ABCA2: variants seen among roughly 807,000 people sequenced by gnomAD.
The protein encoded by ABCA2 is ATP-binding cassette sub-family A member 2.
In ABCA2, 84 loss-of-function variants were observed where a neutral mutation model predicts 262.8. The observed-to-expected ratio is 0.32, with a 90% CI of 0.27 to 0.38. The LOEUF (loss-of-function observed/expected upper bound fraction) is 0.38, where lower values mean the gene tolerates loss of function less well. ABCA2 is among the 10% of genes least tolerant of loss of function. The pLI is 1.00. For missense variants in ABCA2, 2,662 were observed against 3,405.9 expected (o/e 0.78, Z 5.44); for synonymous variants, 1,696 against 1,502.9 (o/e 1.13, Z -2.97).
At position 137,007,663 on chromosome 9, in the gene ABCA2, G is replaced by C. The variant is rs1338433417; in HGVS notation, c.*266C>G. 3.6e-6 allele frequency: 2 copies of C among 560,882 alleles called. No homozygotes were observed. 34.7% of individuals were successfully genotyped at this position (560,882 alleles called of 1,614,324 possible). On this transcript the variant is annotated 3_prime_UTR_variant, in exon 49 of 49. Coordinates refer to ENST00000341511, the MANE Select transcript of ABCA2 (RefSeq NM_001606.5). ...CAGTGCCAGGCAGGGGCGAGGGGCC[G>C]GGCAGACCCCGAGGCTTTAAGGCAA...
At chr9:137,023,111 A>G in intron 3 of ABCA2, 59 bp from the exon 4 acceptor site, 3 of 1,262,098 alleles carry the variant, frequency 2.4e-6, no homozygotes, top group Non-Finnish European at 3.4e-6. Context: ...GAGAGAGAGG[A>G]ATCCAGAAGG....
Position 137,020,939 on chromosome 9 carries a change from C to G in ABCA2, c.1020G>C (p.Leu340=). The change falls in exon 9 of 49, where the codon CTG becomes CTC. Residue 340 remains leucine, a synonymous_variant. Transcript: ENST00000341511. ...AQKVLQDVDV[L]SALALLLPQG... ...GGGGCAGTAGCAGGGCCAGGGCCGA[C>G]AGGACATCCACATCCTGCAGAACCT... 1 of 1,565,586 alleles carries G rather than the reference C, an allele frequency of 6.4e-7. No individual in the cohort carries two copies. Among genetic ancestry groups the G allele is most frequent in the Non-Finnish European group, 8.7e-7 (1 of 1,155,444 alleles).
chr9:137,013,419 A>ACTCGCCCC, intron 29 of ABCA2, 42 bp downstream of exon 29: 1 of 1,537,900 alleles, frequency 6.5e-7, no homozygotes, highest in South Asian at 1.2e-5. Context: ...CCGCCCCTTC[A>ACTCGCCCC]CTCGCCCCAC....
intron 1 of ABCA2, among the ~76,000 whole-genome samples, chr9:137,025,458 G>C (rs1311655570): frequency 2.6e-5 from 4 of 152,240 alleles, no homozygotes; most frequent in Non-Finnish European, 5.9e-5. Flanking sequence ...AGAGCCCCCA[G>C]TGTGCTGTGT....
chr9:137,019,163 G>A lies in ABCA2; in HGVS notation c.1554+15C>T, dbSNP rs772374381. The A allele has an allele frequency of 3.7e-5, 60 of 1,608,166 alleles. No individual in the cohort carries two copies. The Admixed American group carries it at 4.7e-4, about 13-fold the overall frequency. Reference sequence around the variant, plus strand: ...CACCACCCACAGCCGCCTCCCTCGCGGGCACCCTTGGCACCTGCTGCAGCC... The same window carrying A: ...CACCACCCACAGCCGCCTCCCTCGCAGGCACCCTTGGCACCTGCTGCAGCC... On this transcript the variant is annotated intron_variant, in intron 11 of 48. Transcript: ENST00000341511. The surrounding 1 kb of genome is among the most constrained non-coding windows in gnomAD (Gnocchi z 4.4).
At chr9:137,010,151 T>A (rs1416559366) in intron 41 of ABCA2, 27 bp from the exon 42 acceptor site, 1 of 1,592,430 alleles carries the variant, frequency 6.3e-7, no homozygotes, top group Admixed American at 1.7e-5. Flanking sequence ...TGTCAGCGCG[T>A]GAGGACGCGG....
chr9:137,028,192 C>T lies in ABCA2; in HGVS notation c.-52G>A. 6.1e-6 allele frequency: 6 copies of T among 980,058 alleles called. No homozygotes were observed. The highest frequency in any genetic ancestry group is 7.2e-6 in the Non-Finnish European group (6 of 827,742). 60.7% of individuals were successfully genotyped at this position (980,058 alleles called of 1,614,324 possible). A position where few individuals can be genotyped will look rare whatever the true frequency, so the allele number is the denominator to read the frequency against. ...CGCCGCGGCCCGCTCCTCTGCGCGC[C>T]CCGCCGGGCCCCGCAGCCCGCCGCG... is the stretch of plus-strand genomic sequence containing the variant. On this transcript the variant is annotated 5_prime_UTR_variant, in exon 1 of 49. Coordinates refer to ENST00000341511, the MANE Select transcript of ABCA2 (RefSeq NM_001606.5). This position sits in a 1 kb window ranked among gnomAD's most constrained non-coding sequence, Gnocchi z 6.9.
Position 137,008,557 on chromosome 9 carries a change from G to A in ABCA2, c.7134C>T (p.Ser2378=), listed in dbSNP as rs376059407. 1.2e-5 allele frequency: 19 copies of A among 1,607,214 alleles called. No individual in the cohort carries two copies. The highest frequency in any genetic ancestry group is 6.7e-5 in the South Asian group (6 of 89,764). ...NLEQQETEPP[S]ALQSPLGCLL... Reference sequence around the variant, plus strand: ...AGCAGCCGAGAGGGGACTGCAGTGCGGATGGCGGCTCCGTCTCCTGCTGCT... The same window carrying A: ...AGCAGCCGAGAGGGGACTGCAGTGCAGATGGCGGCTCCGTCTCCTGCTGCT... Residue 2378 remains serine, a synonymous_variant, in exon 48 of 49, where the codon TCC becomes TCT. Transcript: ENST00000341511.
chr9:137,011,907 G>A lies in ABCA2; in HGVS notation c.5472C>T (p.His1824=), dbSNP rs2271862. ...LVAEKSTKAK[H]LQFVSGCNPI... is the part of the protein sequence containing the mutation. ...GGTTGCAGCCGCTGACAAACTGCAG[G>A]TGCTTGGCCTTGGTGGACTTCTCGG... is the stretch of plus-strand genomic sequence containing the variant. Residue 1824 remains histidine (H), a synonymous_variant, in exon 35 of 49, where the codon CAC becomes CAT. Transcript: ENST00000341511. This position sits in a 1 kb window ranked among gnomAD's most constrained non-coding sequence, Gnocchi z 8.8. The A allele has an allele frequency of 0.68, 1,103,077 of 1,611,604 alleles. 379,231 individuals are homozygous for A. The highest frequency in any genetic ancestry group is 0.81 in the East Asian group (36,363 of 44,832).
chr9:137,016,392 C>T lies in ABCA2; in HGVS notation c.3003G>A (p.Lys1001=), dbSNP rs1339584917. The part of the protein sequence containing the change: ...VCVDKLTKVY[K]DDKKLALNKL... ...TGTTCAGGGCCAGCTTCTTGTCGTC[C>T]TTGTAGACCTTGGTGAGTTTGTCCA... The change falls in exon 21 of 49, where the codon AAG becomes AAA. Residue 1001 remains lysine, a synonymous_variant. Transcript: ENST00000341511. The T allele has an allele frequency of 1.9e-6, 3 of 1,612,934 alleles. No homozygotes were observed. The highest frequency in any genetic ancestry group is 2.5e-6 in the Non-Finnish European group (3 of 1,179,992).
intron 19 of ABCA2, 89 bp downstream of exon 19, chr9:137,016,831 C>T: frequency 6.4e-7 from 1 of 1,562,208 alleles, no homozygotes; most frequent in Admixed American, 1.7e-5. Flanking sequence ...GCCACCCGTG[C>T]TGCATCCAGG....
Position 137,007,788 on chromosome 9 carries a change from G to A in ABCA2, c.*141C>T. 1 of 1,167,166 alleles carries A rather than the reference G, an allele frequency of 8.6e-7. No individual in the cohort carries two copies. The highest frequency in any genetic ancestry group is 1.2e-6 in the Non-Finnish European group (1 of 816,472). The allele number at this position is 1,167,166 out of a possible 1,614,324, so 72.3% of individuals were successfully genotyped here. A position where few individuals can be genotyped will look rare whatever the true frequency, so the allele number is the denominator to read the frequency against. On this transcript the variant is annotated 3_prime_UTR_variant, in exon 49 of 49. Transcript: ENST00000341511. ...CAGGGCATGGCCGAGTACAGGGGCTGGAGGACCAGAAGCCCCTTGGTCCTG... is the reference window on the plus strand; with the variant it reads ...CAGGGCATGGCCGAGTACAGGGGCTAGAGGACCAGAAGCCCCTTGGTCCTG...
intron 6 of ABCA2, 143 bp from the exon 7 acceptor site, chr9:137,022,144 G>A (rs1312961074): frequency 1.6e-6 from 1 of 624,962 alleles, no homozygotes; most frequent in Non-Finnish European, 2.5e-6. Flanking sequence ...TCAGATGGTG[G>A]GGGCGTGGCT....
chr9:137,018,217 C>G lies in ABCA2; in HGVS notation c.1954G>C (p.Gly652Arg). The G allele has an allele frequency of 6.2e-7, 1 of 1,611,284 alleles. No individual in the cohort carries two copies. Among genetic ancestry groups the G allele is most frequent in the Non-Finnish European group, 8.5e-7 (1 of 1,179,662 alleles). Residue 652 changes from glycine (G) to arginine (R), a missense_variant, in exon 14 of 49, where the codon GGC becomes CGC. Physicochemically the swap from Gly to Arg is moderately radical, Grantham distance 125. Transcript: ENST00000341511. ...AAGCCGTAGAGGAAGTAGAAGCGGC[C>G]GCCAGTATTGGGCCCAGGCCGCCAG... is the stretch of plus-strand genomic sequence containing the variant. ...AYWRPGPNTG[G>R]RFYFLYGFVW...
rs1336016604 is a variant in ABCA2 at position 137,008,290 on chromosome 9, C to T, written c.7275+126G>A. 4 of 1,135,844 alleles carry T rather than the reference C, an allele frequency of 3.5e-6. No individual in the cohort carries two copies. In the African/African-American group the frequency reaches 4.6e-5, roughly 13 times the overall value. The allele number at this position is 1,135,844 out of a possible 1,614,324, so 70.4% of individuals were successfully genotyped here. A position where few individuals can be genotyped will look rare whatever the true frequency, so the allele number is the denominator to read the frequency against. ...CAAGTGTCCCTCGCCCACTCTGCCCCCTTGACCTCTGGACAGCAAGCATCC... is the reference window on the plus strand; with the variant it reads ...CAAGTGTCCCTCGCCCACTCTGCCCTCTTGACCTCTGGACAGCAAGCATCC... On this transcript the variant is annotated intron_variant, in intron 48 of 48. Transcript: ENST00000341511.
intron 45 of ABCA2, 33 bp downstream of exon 45, chr9:137,009,337 C>G (rs748599738): frequency 7.2e-7 from 1 of 1,379,598 alleles, no homozygotes; most frequent in Non-Finnish European, 1.0e-6. Flanking sequence ...CCCGGGCCCG[C>G]CCCAGCCCAC....
At position 137,022,872 on chromosome 9, in the gene ABCA2, C is replaced by A. The variant is rs374386511; in HGVS notation, c.276-7G>T. 8.7e-6 allele frequency: 13 copies of A among 1,495,106 alleles called. No individual in the cohort carries two copies. The highest frequency in any genetic ancestry group is 8.2e-5 in the South Asian group (7 of 85,192). The allele number at this position is 1,495,106 out of a possible 1,614,324, so 92.6% of individuals were successfully genotyped here. ...CTCAAGCAGCTGCGTGACCCTGCACCATGGCGGATGTCACTCACTGGATGG... is the reference window on the plus strand; with the variant it reads ...CTCAAGCAGCTGCGTGACCCTGCACAATGGCGGATGTCACTCACTGGATGG... On this transcript the variant is annotated splice_region_variant and splice_polypyrimidine_tract_variant and intron_variant, in intron 4 of 48. Transcript: ENST00000341511.
At chr9:137,023,327 G>A in intron 3 of ABCA2, 2 of 681,152 alleles carry the variant, frequency 2.9e-6, no homozygotes, top group South Asian at 1.5e-5. Context: ...CTTTCAGCCA[G>A]TGCAGGCCCA....
Position 137,022,003 on chromosome 9 carries a change from TAGG to T in ABCA2, c.568-5_568-3del, listed in dbSNP as rs1163059404. ...GGGACCAAAGAGCAGGTGGTAGACCTAGGAGGTGTGGGGGAATGGCTCAGATGG... is the reference window on the plus strand; with the variant it reads ...GGGACCAAAGAGCAGGTGGTAGACCTAGGTGTGGGGGAATGGCTCAGATGG... On this transcript the variant is annotated splice_region_variant and splice_polypyrimidine_tract_variant and intron_variant, in intron 6 of 48. Coordinates refer to ENST00000341511, the MANE Select transcript of ABCA2 (RefSeq NM_001606.5). The T allele has an allele frequency of 6.4e-7, 1 of 1,571,444 alleles. No individual in the cohort carries two copies. The highest frequency in any genetic ancestry group is 2.3e-5 in the East Asian group (1 of 43,430).
Sources: gnomAD v4.1 joint callset for allele counts (sites outside exome capture counted in the v4.1 genomes callset) on GRCh38, gnomAD v4.1.1 for gene constraint, Gnocchi (gnomAD v3.1) non-coding constraint, MANE v1.5 for transcripts, NCBI Gene and HGNC (gene_info 2026-07-23, HGNC 2026-07-21) for gene names.